The following RPGRIP1 variants were observed in gnomAD, a reference collection of about 807,000 sequenced individuals.
The protein encoded by RPGRIP1 is X-linked retinitis pigmentosa GTPase regulator-interacting protein 1.
Under a neutral mutation model 157.9 loss-of-function variants are expected in RPGRIP1, and 128 were observed. The ratio of observed to expected loss-of-function variants is 0.81; its 90% CI spans 0.70 to 0.94. The LOEUF (loss-of-function observed/expected upper bound fraction) is 0.94, where lower values mean the gene tolerates loss of function less well. RPGRIP1 is among the 40% of genes least tolerant of loss of function. The pLI is 0.00. For synonymous variants in RPGRIP1, 554 were observed against 571.6 expected (o/e 0.97, Z 0.44); for missense variants, 1,486 against 1,545.8 (o/e 0.96, Z 0.65).
At position 21,321,982 on chromosome 14, in the gene RPGRIP1, A is replaced by C. The variant is rs1186021595; in HGVS notation, c.1740A>C (p.Arg580Ser). 1 of 1,613,308 alleles carries C rather than the reference A, an allele frequency of 6.2e-7. No homozygotes were observed. The highest frequency in any genetic ancestry group is 1.3e-5 in the African/African-American group (1 of 74,980). Residue 580 changes from arginine (R) to serine (S), a missense_variant, in exon 14 of 25, where the codon AGA (arginine) becomes AGC (serine). Coordinates refer to ENST00000400017, the MANE Select transcript of RPGRIP1 (RefSeq NM_020366.4). ...TCAAGCAGCTGGAAGGTATTTTAAG[A>C]AGCCATGACCTTCCAACATCTGGCA... is the stretch of plus-strand genomic sequence containing the variant. ...NRIKQLEGILRSHDLPTSEQL... is the reference protein window; with the variant it reads ...NRIKQLEGILSSHDLPTSEQL...
chr14:21,312,584 TAATA>T, intron 10 of RPGRIP1, 78 bp downstream of exon 10: 1 of 782,496 alleles, frequency 1.3e-6, no homozygotes, highest in South Asian at 1.9e-5. Context: ...TACCTAGCAT[TAATA>T]AATATATGGG....
At chr14:21,326,454 CTTT>C (rs1449920885) in intron 17 of RPGRIP1, among the ~76,000 whole-genome samples, 7 of 152,080 alleles carry the variant, frequency 4.6e-5, no homozygotes, top group African/African-American at 1.7e-4. Flanking sequence ...GAATAAACTT[CTTT>C]GTTTTTTGAG....
chr14:21,318,348 A>G (rs1372033368), intron 11 of RPGRIP1: 1 of 310,622 alleles, frequency 3.2e-6, no homozygotes, highest in Non-Finnish European at 6.3e-6. Context: ...CTGACCTCAG[A>G]TGATCCACCA....
chr14:21,314,059 C>T (rs1183650941), intron 10 of RPGRIP1, among the ~76,000 whole-genome samples: 1 of 151,712 alleles, frequency 6.6e-6, no homozygotes, highest in Non-Finnish European at 1.5e-5. Flanking sequence ...GCAATCTTCC[C>T]ACCTCAGCCT....
chr14:21,334,012 T>C (rs1012392774), intron 20 of RPGRIP1, among the ~76,000 whole-genome samples: 3 of 146,526 alleles, frequency 2.0e-5, no homozygotes, highest in African/African-American at 7.6e-5. Flanking sequence ...AACCTCTGCC[T>C]CCCGGATTCA....
intron 20 of RPGRIP1, among the ~76,000 whole-genome samples, chr14:21,333,052 A>T (rs1336355363): frequency 1.3e-5 from 2 of 152,210 alleles, no homozygotes; most frequent in African/African-American, 4.8e-5. Context: ...GTGAGCTGAG[A>T]CCATGCCATT....
At chr14:21,309,077 C>T (rs1375898841) in intron 7 of RPGRIP1, among the ~76,000 whole-genome samples, 1 of 152,224 alleles carries the variant, frequency 6.6e-6, no homozygotes, top group African/African-American at 2.4e-5. Flanking sequence ...GCCTTCCCGG[C>T]TGTAAGAGCC....
In RPGRIP1 at chr14:21,307,741, A is replaced by T. The variant is rs1388303568; in HGVS notation, c.811A>T (p.Lys271Ter). 2 of 1,558,620 alleles carry T rather than the reference A, an allele frequency of 1.3e-6. No individual in the cohort carries two copies. Among genetic ancestry groups the T allele is most frequent in the Non-Finnish European group, 1.7e-6 (2 of 1,148,912 alleles). Reference protein sequence around the residue: ...QKAAELRASIKEKVELIRLKK... With the variant: ...QKAAELRASI ...CGCCTTTCTCTGCAGAGCTTCCATT[A>T]AAGAGAAGGTAGAGCTGATTCGACT... is the stretch of plus-strand genomic sequence containing the variant. Residue 271 changes from lysine to a stop codon, truncating the protein, a stop_gained, in exon 7 of 25, where the codon AAA becomes TAA. Coordinates refer to ENST00000400017, the MANE Select transcript of RPGRIP1 (RefSeq NM_020366.4). LOFTEE classifies it high-confidence loss of function.
chr14:21,293,424 C>T (rs1312947176), intron 2 of RPGRIP1, among the ~76,000 whole-genome samples: 2 of 151,846 alleles, frequency 1.3e-5, no homozygotes, highest in Non-Finnish European at 2.9e-5. Context: ...TTGTGTAGGT[C>T]CAAATTATCT....
At chr14:21,298,767 C>T (rs1880899911) in intron 3 of RPGRIP1, among the ~76,000 whole-genome samples, 1 of 151,480 alleles carries the variant, frequency 6.6e-6, no homozygotes, top group Non-Finnish European at 1.5e-5. Context: ...TGGTGAAACC[C>T]CGTCTCTACT....
intron 3 of RPGRIP1, among the ~76,000 whole-genome samples, chr14:21,300,655 A>G (rs1228157511): frequency 6.8e-6 from 1 of 147,924 alleles, no homozygotes; most frequent in Non-Finnish European, 1.5e-5. Context: ...AAACAAGTCT[A>G]TATATAATTT....
intron 21 of RPGRIP1, among the ~76,000 whole-genome samples, chr14:21,338,042 G>A (rs1055628612): frequency 8.6e-5 from 13 of 151,962 alleles, no homozygotes; most frequent in Admixed American, 2.6e-4. Context: ...TCACCCTCCC[G>A]AGTAGCTGGG....
rs781676562 is a variant in RPGRIP1, at chr14:21,324,820, C to T, written c.1965C>T (p.Thr655=). 1.5e-5 allele frequency: 25 copies of T among 1,614,040 alleles called. No individual in the cohort carries two copies. In the East Asian group the frequency reaches 5.6e-4, roughly 36 times the overall value. Residue 655 remains threonine, a synonymous_variant, in exon 15 of 25, where the codon ACC becomes ACT. Coordinates refer to ENST00000400017, the MANE Select transcript of RPGRIP1 (RefSeq NM_020366.4). ...ATACCCAACCTACCACTTTCTGCACCTATTCCTTCTATGACTTTGAAACCC... is the reference window on the plus strand; with the variant it reads ...ATACCCAACCTACCACTTTCTGCACTTATTCCTTCTATGACTTTGAAACCC... ...AGDTQPTTFC[T]YSFYDFETHC...
At chr14:21,349,503 A>G (rs951209214) in intron 24 of RPGRIP1, among the ~76,000 whole-genome samples, 1 of 150,126 alleles carries the variant, frequency 6.7e-6, no homozygotes, top group Non-Finnish European at 1.5e-5. Flanking sequence ...TTCTTAATCA[A>G]GCGATTTTCC....
intron 10 of RPGRIP1, among the ~76,000 whole-genome samples, chr14:21,312,974 A>G (rs1050333251): frequency 1.8e-4 from 27 of 152,176 alleles, no homozygotes; most frequent in African/African-American, 6.5e-4. Context: ...CTGGGACTAC[A>G]GGTGTGCACT....
At position 21,326,083 on chromosome 14, in the gene RPGRIP1, G is replaced by A. The variant is rs774012865; in HGVS notation, c.2620G>A (p.Val874Ile). 8 of 1,613,472 alleles carry A rather than the reference G, an allele frequency of 5.0e-6. No homozygotes were observed. The Admixed American group carries it at 6.7e-5, about 13-fold the overall frequency. The change falls in exon 17 of 25, where the codon GTT becomes ATT. Residue 874 changes from valine (V) to isoleucine (I), a missense_variant. Val to Ile is a conservative substitution (Grantham distance 29, BLOSUM62 3). Coordinates refer to ENST00000400017, the MANE Select transcript of RPGRIP1 (RefSeq NM_020366.4). ...YLRREALSIH[V>I]FDDEDLEPGS... ...GAGACGGGAGGCCTTGTCTATACAT[G>A]TTTTTGATGATGAAGACTTAGAGCC... is the stretch of plus-strand genomic sequence containing the variant.
chr14:21,335,298 T>C (rs1414160119), intron 21 of RPGRIP1, among the ~76,000 whole-genome samples: 3 of 152,096 alleles, frequency 2.0e-5, no homozygotes, highest in Admixed American at 6.6e-5. Flanking sequence ...ATATCCTCCA[T>C]TGTGTCCTGT....
intron 6 of RPGRIP1, among the ~76,000 whole-genome samples, chr14:21,305,415 G>A (rs896112296): frequency 1.3e-5 from 2 of 152,178 alleles, no homozygotes; most frequent in Admixed American, 6.6e-5. Context: ...AATAACATTC[G>A]ATTGTCTACA....
At chr14:21,342,543 CAAAA>C (rs58979311) in intron 21 of RPGRIP1, among the ~76,000 whole-genome samples, 1 of 113,290 alleles carries the variant, frequency 8.8e-6, no homozygotes. Flanking sequence ...GACTCTGTCT[CAAAA>C]AAAAAAAAAA....
Sources: gnomAD v4.1 joint callset for allele counts (sites outside exome capture counted in the v4.1 genomes callset) on GRCh38, gnomAD v4.1.1 for gene constraint, MANE v1.5 for transcripts, NCBI Gene and HGNC (gene_info 2026-07-23, HGNC 2026-07-21) for gene names.